The following UGT3A2 variants were observed in gnomAD, a reference collection of about 807,000 sequenced individuals.
UGT3A2 encodes the protein UDP-glycosyltransferase 3A2.
In UGT3A2, 32 loss-of-function variants were observed where a neutral mutation model predicts 39.8. The observed-to-expected ratio is 0.80, with a 90% CI of 0.61 to 1.08. The LOEUF (loss-of-function observed/expected upper bound fraction) is 1.08, where lower values mean the gene tolerates loss of function less well. UGT3A2 is among the 50% of genes least tolerant of loss of function. UGT3A2 has a pLI of 0.00. For synonymous variants in UGT3A2, 241 were observed against 230.7 expected, an observed-to-expected ratio of 1.04 and a Z score of -0.40; for missense variants, 611 against 637.1, an observed-to-expected ratio of 0.96 and a Z score of 0.44.
chr5:36,035,840 TGAAA>T lies in UGT3A2; in HGVS notation c.1426_1429del (p.Phe476SerfsTer44). The T allele has an allele frequency of 6.2e-7, 1 of 1,614,110 alleles. No individual in the cohort carries two copies. Among genetic ancestry groups the T allele is most frequent in the Non-Finnish European group, 8.5e-7 (1 of 1,180,016 alleles). ...CAGGTACTGCTCATGCCAGGGCTGC[TGAAA>T]GACATAGGGCTTGAGGTGCGTCGCG... is the stretch of plus-strand genomic sequence containing the variant. On this transcript the variant is annotated frameshift_variant, in exon 7 of 7. Coordinates refer to ENST00000282507, the MANE Select transcript of UGT3A2 (RefSeq NM_174914.4). LOFTEE classifies it low-confidence loss of function (END_TRUNC).
At chr5:36,056,912 T>C (rs890191187) in intron 2 of UGT3A2, among the ~76,000 whole-genome samples, 1 of 152,250 alleles carries the variant, frequency 6.6e-6, no homozygotes, top group African/African-American at 2.4e-5. Flanking sequence ...TTATAGTCTC[T>C]AAGACAATAC....
chr5:36,045,410 C>G (rs1742136162), intron 4 of UGT3A2, among the ~76,000 whole-genome samples: 1 of 151,906 alleles, frequency 6.6e-6, no homozygotes, highest in Non-Finnish European at 1.5e-5. Context: ...TTGAGGCCAG[C>G]CTGGCCAACA....
chr5:36,046,880 C>CA (rs1742183393), intron 4 of UGT3A2, among the ~76,000 whole-genome samples: 1 of 152,184 alleles, frequency 6.6e-6, no homozygotes, highest in South Asian at 2.1e-4. Context: ...TAAAGTCCCC[C>CA]AGGTAGCTCT....
Position 36,035,543 on chromosome 5 carries a change from G to T in UGT3A2, c.*155C>A. On this transcript the variant is annotated 3_prime_UTR_variant, in exon 7 of 7. Coordinates refer to ENST00000282507, the MANE Select transcript of UGT3A2 (RefSeq NM_174914.4). ...GATGAATTTGTAGCAAAATTAGCAA[G>T]TGGAAAGGATGATTTTTGGCCATTT... 2 of 1,128,204 alleles carry T rather than the reference G, an allele frequency of 1.8e-6. No individual in the cohort carries two copies. The highest frequency in any genetic ancestry group is 2.5e-6 in the Non-Finnish European group (2 of 807,188). The allele number at this position is 1,128,204 out of a possible 1,614,324, so 69.9% of individuals were successfully genotyped here.
chr5:36,049,708 A>T (rs933847026), intron 3 of UGT3A2, among the ~76,000 whole-genome samples: 1 of 152,212 alleles, frequency 6.6e-6, no homozygotes, highest in Non-Finnish European at 1.5e-5. Context: ...CATCTCTCAG[A>T]GCAGCAGATC....
At chr5:36,065,319 G>A (rs564632468) in intron 1 of UGT3A2, among the ~76,000 whole-genome samples, 2 of 152,294 alleles carry the variant, frequency 1.3e-5, no homozygotes, top group African/African-American at 4.8e-5. Flanking sequence ...ATAGTCTGGA[G>A]CAACAAGGGA....
chr5:36,048,063 C>G (rs1251105900), intron 4 of UGT3A2, among the ~76,000 whole-genome samples: 1 of 152,140 alleles, frequency 6.6e-6, no homozygotes, highest in Non-Finnish European at 1.5e-5. Flanking sequence ...AGTCCAGGCC[C>G]TTAGGACCTC....
intron 6 of UGT3A2, 143 bp downstream of exon 6, chr5:36,037,654 C>T: frequency 1.2e-6 from 1 of 830,736 alleles, no homozygotes; most frequent in East Asian, 2.6e-5. Context: ...GTTGGCATCA[C>T]ACACATATTA....
intron 3 of UGT3A2, among the ~76,000 whole-genome samples, chr5:36,051,039 C>T (rs1742326176): frequency 6.6e-6 from 1 of 152,146 alleles, no homozygotes; most frequent in South Asian, 2.1e-4. Context: ...ATATAACTAA[C>T]TCTGCGAGAT....
At chr5:36,048,149 T>A (rs541726721) in intron 4 of UGT3A2, among the ~76,000 whole-genome samples, 13 of 152,282 alleles carry the variant, frequency 8.5e-5, no homozygotes. Flanking sequence ...ATGAAGATGA[T>A]CACACCTCCC....
intron 2 of UGT3A2, among the ~76,000 whole-genome samples, chr5:36,061,262 T>C (rs2642729): frequency 0.36 from 53,942 of 151,092 alleles, 9,754 homozygotes; most frequent in Non-Finnish European, 0.38. Flanking sequence ...TATTATACTT[T>C]AAGTTTTAGG....
Position 36,048,929 on chromosome 5 carries a change from A to C in UGT3A2, c.803T>G (p.Val268Gly). The change falls in exon 4 of 7, where the codon GTT becomes GGT. Residue 268 changes from valine to glycine, a missense_variant. Coordinates refer to ENST00000282507, the MANE Select transcript of UGT3A2 (RefSeq NM_174914.4). ...ARPLLPNTVY[V>G]GGLMEKPIKP... ...AATAGGTTTTTCCATCAAGCCTCCA[A>C]CATAAACAGTGTTGGGAAGCAGAGG... The C allele has an allele frequency of 6.2e-7, 1 of 1,614,150 alleles. No individual in the cohort carries two copies. Among genetic ancestry groups the C allele is most frequent in the Non-Finnish European group, 8.5e-7 (1 of 1,180,024 alleles).
intron 4 of UGT3A2, among the ~76,000 whole-genome samples, chr5:36,047,339 C>A (rs2111722986): frequency 6.6e-6 from 1 of 152,324 alleles, no homozygotes; most frequent in Admixed American, 6.5e-5. Context: ...AATAAAGTTT[C>A]TAAATTGGTG....
At chr5:36,057,517 TTCTCTC>T (rs148807603) in intron 2 of UGT3A2, among the ~76,000 whole-genome samples, 148 of 149,822 alleles carry the variant, frequency 9.9e-4, no homozygotes, top group Non-Finnish European at 1.3e-3. Flanking sequence ...TTTCAGTAGT[TTCTCTC>T]TCTCTCTCTC....
intron 4 of UGT3A2, among the ~76,000 whole-genome samples, chr5:36,046,019 G>A (rs1742156480): frequency 2.0e-5 from 3 of 152,082 alleles, no homozygotes; most frequent in Admixed American, 2.0e-4. Flanking sequence ...GCATATAAAA[G>A]GTTTGCTCAG....
At position 36,053,310 on chromosome 5, in the gene UGT3A2, C is replaced by G. The variant is rs866973689; in HGVS notation, c.197-1326G>C. 1.4e-4 allele frequency among the ~76,000 whole-genome samples: 21 copies of G among 152,262 alleles called. No homozygotes were observed. The South Asian group carries it at 4.4e-3, about 32-fold the overall frequency. ...GGTTAGTTGAAGACCTCTCCATCCC[C>G]AATACTATTAAGAAACAATTATTGA... is the stretch of plus-strand genomic sequence containing the variant. On this transcript the variant is annotated intron_variant, in intron 2 of 6. Transcript: ENST00000282507.
intron 2 of UGT3A2, among the ~76,000 whole-genome samples, chr5:36,055,972 T>C (rs1742499318): frequency 6.6e-6 from 1 of 152,140 alleles, no homozygotes; most frequent in Admixed American, 6.5e-5. Context: ...TTCCTTTGTT[T>C]GTTTCATTTC....
intron 4 of UGT3A2, among the ~76,000 whole-genome samples, chr5:36,047,512 G>A (rs189934928): frequency 1.3e-5 from 2 of 152,074 alleles, no homozygotes; most frequent in Non-Finnish European, 2.9e-5. Context: ...ATTCTATTAC[G>A]TGGTTCAGAC....
chr5:36,060,967 C>T (rs1209815412), intron 2 of UGT3A2, among the ~76,000 whole-genome samples: 2 of 152,090 alleles, frequency 1.3e-5, no homozygotes, highest in East Asian at 1.9e-4. Flanking sequence ...ACCGGCCTGG[C>T]GAACATGGCA....
Sources: gnomAD v4.1 joint callset for allele counts (sites outside exome capture counted in the v4.1 genomes callset) on GRCh38, gnomAD v4.1.1 for gene constraint, MANE v1.5 for transcripts, NCBI Gene and HGNC (gene_info 2026-07-23, HGNC 2026-07-21) for gene names.